The following ASAP1 variants were observed in gnomAD, a reference collection of about 807,000 sequenced individuals.
ASAP1 encodes arf-GAP with SH3 domain, ANK repeat and PH domain-containing protein 1.
Under a neutral mutation model 145.2 loss-of-function variants are expected in ASAP1, and 43 were observed. That is an observed-to-expected ratio of 0.30 (90% CI 0.23 to 0.38). The LOEUF is 0.38. ASAP1 is among the 10% of genes least tolerant of loss of function. ASAP1 has a pLI of 1.00. For synonymous variants in ASAP1, 546 were observed against 515.5 expected, an observed-to-expected ratio of 1.06 and a Z score of -0.80; for missense variants, 1,018 against 1,355.3, an observed-to-expected ratio of 0.75 and a Z score of 3.91.
intron 1 of ASAP1, among the ~76,000 whole-genome samples, chr8:130,433,638 C>T (rs1181760145): frequency 6.6e-6 from 1 of 152,216 alleles, no homozygotes; most frequent in African/African-American, 2.4e-5. Flanking sequence ...GCAGGATATG[C>T]AGGGAAATCT....
chr8:130,068,452 A>G (rs1489147573), intron 27 of ASAP1, among the ~76,000 whole-genome samples: 1 of 152,226 alleles, frequency 6.6e-6, no homozygotes. Context: ...GTGCGAAAGA[A>G]CTGTTTCATT....
intron 5 of ASAP1, among the ~76,000 whole-genome samples, chr8:130,204,820 A>G (rs1028230362): frequency 1.3e-5 from 2 of 152,208 alleles, no homozygotes; most frequent in African/African-American, 2.4e-5. Flanking sequence ...TTGGGGGTTC[A>G]TGTATTACTG....
rs755933915 is a variant in ASAP1, at chr8:130,358,058, G to T, written c.145C>A (p.Arg49=). The T allele has an allele frequency of 8.7e-6, 14 of 1,610,836 alleles. No homozygotes were observed. The South Asian group carries it at 1.1e-4, about 13-fold the overall frequency. ...ACGGTGTTCCTGCAGTTGTGCAGCC[G>T]CGTGGTGAAGCTGGACGTGGTGGGC... ...NSPTTSSFTT[R]LHNCRNTVTL... Residue 49 remains arginine (R), a synonymous_variant, in exon 3 of 30, where the codon CGG becomes AGG. Coordinates refer to ENST00000518721, the MANE Select transcript of ASAP1 (RefSeq NM_018482.4). The surrounding 1 kb of genome is among the most constrained non-coding windows in gnomAD (Gnocchi z 4.1).
intron 1 of ASAP1, among the ~76,000 whole-genome samples, chr8:130,408,011 A>G (rs1454682752): frequency 6.6e-6 from 1 of 152,174 alleles, no homozygotes; most frequent in African/African-American, 2.4e-5. Context: ...AAGAAAATAG[A>G]CCAAATATAT....
In ASAP1 at chr8:130,317,432, C is replaced by T. The variant is rs547825765; in HGVS notation, c.186+40585G>A. Among the ~76,000 whole-genome samples the T allele has an allele frequency of 3.9e-5, 6 of 152,190 alleles. No individual in the cohort carries two copies. In the East Asian group the frequency reaches 5.8e-4, roughly 15 times the overall value. ...GTTGAAACTGTAGGAACAGGGTCTA[C>T]GACTCACTTAGCTGCTAATGAGTTT... On this transcript the variant is annotated intron_variant, in intron 3 of 29. Transcript: ENST00000518721.
intron 5 of ASAP1, among the ~76,000 whole-genome samples, chr8:130,212,748 T>C (rs1010228950): frequency 2.0e-5 from 3 of 152,174 alleles, no homozygotes; most frequent in African/African-American, 7.2e-5. Flanking sequence ...CAAACGCAGA[T>C]GATGAATGTT....
chr8:130,085,083 T>C (rs894576314), intron 25 of ASAP1, among the ~76,000 whole-genome samples: 5 of 152,166 alleles, frequency 3.3e-5, no homozygotes, highest in Non-Finnish European at 7.3e-5. Flanking sequence ...GTGCATGTTA[T>C]GGTTTCCCAC....
chr8:130,336,798 G>A (rs1251977920), intron 3 of ASAP1, among the ~76,000 whole-genome samples: 1 of 152,188 alleles, frequency 6.6e-6, no homozygotes, highest in Non-Finnish European at 1.5e-5. Context: ...AAGCCAGATA[G>A]ATGTCAGACC....
chr8:130,072,825 G>GTGTGTGTGTGTGTGTGTGTGCA, intron 27 of ASAP1, among the ~76,000 whole-genome samples: 12 of 54,086 alleles, frequency 2.2e-4, no homozygotes, highest in Non-Finnish European at 3.6e-4. Flanking sequence ...GTGTGTGTGT[G>GTGTGTGTGTGTGTGTGTGTGCA]CGCGCGGGGG....
chr8:130,426,915 T>G (rs924085756), intron 1 of ASAP1, among the ~76,000 whole-genome samples: 3 of 152,204 alleles, frequency 2.0e-5, no homozygotes, highest in Non-Finnish European at 4.4e-5. Flanking sequence ...GTAAAGTCCA[T>G]GAGGATAGGG....
intron 28 of ASAP1, 55 bp downstream of exon 28, chr8:130,060,524 C>G (rs1466003074): frequency 6.5e-7 from 1 of 1,527,840 alleles, no homozygotes; most frequent in Admixed American, 2.2e-5. Flanking sequence ...GCCCTCCCAC[C>G]AACTTGCAAA....
chr8:130,346,509 T>C (rs1055467443), intron 3 of ASAP1, among the ~76,000 whole-genome samples: 5 of 152,016 alleles, frequency 3.3e-5, no homozygotes, highest in Admixed American at 2.6e-4. Flanking sequence ...GAATCCTTTC[T>C]AAACCTAGTT....
intron 3 of ASAP1, among the ~76,000 whole-genome samples, chr8:130,326,695 A>T (rs1824356070): frequency 6.6e-6 from 1 of 152,250 alleles, no homozygotes; most frequent in South Asian, 2.1e-4. Flanking sequence ...AGGGTTCTAC[A>T]CTTTGAATGC....
chr8:130,278,503 A>C (rs557726514), intron 3 of ASAP1, among the ~76,000 whole-genome samples: 31 of 152,366 alleles, frequency 2.0e-4, no homozygotes, highest in African/African-American at 7.5e-4. Context: ...GTTTCATTAG[A>C]AACACATGAA....
At chr8:130,422,433 C>G (rs763076627) in intron 1 of ASAP1, among the ~76,000 whole-genome samples, 34 of 152,296 alleles carry the variant, frequency 2.2e-4, no homozygotes, top group Middle Eastern at 6.8e-3. Flanking sequence ...TTCCCAGGCT[C>G]GGATCACCCA....
chr8:130,247,338 A>G (rs1818911667), intron 3 of ASAP1, among the ~76,000 whole-genome samples: 1 of 152,196 alleles, frequency 6.6e-6, no homozygotes, highest in Non-Finnish European at 1.5e-5. Flanking sequence ...GTAACTTATA[A>G]GAAGGTTTCT....
rs548512902 is a variant in ASAP1, at chr8:130,276,728, A to ACACACACACACTCTCTCTCTCTCT, written c.187-39735_187-39734insAGAGAGAGAGAGAGTGTGTGTGTG. 1.5e-4 allele frequency among the ~76,000 whole-genome samples: 13 copies of ACACACACACACTCTCTCTCTCTCT among 87,312 alleles called. 1 individual carries two copies. The highest frequency in any genetic ancestry group is 2.6e-4 in the Non-Finnish European group (12 of 45,418). The allele number at this position is 87,312 out of a possible 152,430, so 57.3% of individuals were successfully genotyped here. On this transcript the variant is annotated intron_variant, in intron 3 of 29. Transcript: ENST00000518721. ...CACACACACACACACACACACACAC[A>ACACACACACACTCTCTCTCTCTCT]CTCTCTCTCTCTCTCTCTCTCTCTC...
At chr8:130,141,341 G>A (rs1040796762) in intron 13 of ASAP1, among the ~76,000 whole-genome samples, 1 of 152,058 alleles carries the variant, frequency 6.6e-6, no homozygotes, top group African/African-American at 2.4e-5. Context: ...GGCTGAGGAG[G>A]GGCACTGGTC....
chr8:130,219,487 A>G (rs1167375716), intron 4 of ASAP1, among the ~76,000 whole-genome samples: 1 of 152,170 alleles, frequency 6.6e-6, no homozygotes, highest in African/African-American at 2.4e-5. Flanking sequence ...GTGGTGGGAC[A>G]CTGCCACAGG....
Sources: gnomAD v4.1 joint callset for allele counts (sites outside exome capture counted in the v4.1 genomes callset) on GRCh38, gnomAD v4.1.1 for gene constraint, Gnocchi (gnomAD v3.1) non-coding constraint, MANE v1.5 for transcripts, NCBI Gene and HGNC (gene_info 2026-07-23, HGNC 2026-07-21) for gene names.